ANK1: variants seen among roughly 807,000 people sequenced by gnomAD.
The protein encoded by ANK1 is ankyrin 1, also known as ankyrin-1.
ANK1 carries 51 observed loss-of-function variants against 210.4 expected under a neutral mutation model. The observed-to-expected ratio is 0.24, with a 90% CI of 0.19 to 0.31. ANK1 has a LOEUF of 0.31. ANK1 is among the 10% of genes least tolerant of loss of function. The pLI, the probability that ANK1 is intolerant of heterozygous loss-of-function variation, is 1.00. For synonymous variants in ANK1, 967 were observed against 1,025.9 expected, an observed-to-expected ratio of 0.94 and a Z score of 1.10; for missense variants, 2,051 against 2,504.4, an observed-to-expected ratio of 0.82 and a Z score of 3.86.
intron 1 of ANK1, among the ~76,000 whole-genome samples, chr8:41,891,945 G>A (rs929586468): frequency 9.2e-5 from 14 of 152,168 alleles, no homozygotes; most frequent in Non-Finnish European, 2.1e-4. Flanking sequence ...ATCCATTAAT[G>A]CCACAACATA....
Position 41,818,314 on chromosome 8 carries a change from G to T in ANK1, c.127-60177C>A, listed in dbSNP as rs528776237. 1.1e-4 allele frequency among the ~76,000 whole-genome samples: 17 copies of T among 152,334 alleles called. No homozygotes were observed. In the South Asian group the frequency reaches 3.5e-3, roughly 32 times the overall value. On this transcript the variant is annotated intron_variant, in intron 1 of 42. Transcript: ENST00000265709. The stretch of plus-strand genomic sequence containing the variant: ...GAGTTCTTCCAGAGGGTCAGGACCA[G>T]GGAGTTGTGGATATAAGAGAGCACA...
At chr8:41,748,120 G>A (rs892447620) in intron 2 of ANK1, among the ~76,000 whole-genome samples, 1 of 152,140 alleles carries the variant, frequency 6.6e-6, no homozygotes, top group Non-Finnish European at 1.5e-5. Flanking sequence ...CAGGTACCAG[G>A]TGCCAGGCAT....
chr8:41,694,018 G>A lies in ANK1; in HGVS notation c.3412C>T (p.Arg1138Cys), dbSNP rs1820103190. The A allele has an allele frequency of 6.2e-7, 1 of 1,614,052 alleles. No individual in the cohort carries two copies. The highest frequency in any genetic ancestry group is 8.5e-7 in the Non-Finnish European group (1 of 1,179,956). The stretch of plus-strand genomic sequence containing the variant: ...CCAATGGGGCGGTGGAACTTCCGGC[G>A]CCGGGGCTCCACGGTGACAATGGGG... The part of the protein sequence containing the change: ...FSPIVTVEPR[R>C]RKFHRPIGLR... Residue 1138 changes from arginine to cysteine, a missense_variant, in exon 29 of 43, where the codon CGC becomes TGC. This residue lies in a region of ANK1 where 1,413 missense variants were observed against 1,707.4 expected (regional missense o/e 0.83). Coordinates refer to ENST00000289734, the MANE Select transcript of ANK1 (RefSeq NM_000037.4). This position sits in a 1 kb window ranked among gnomAD's most constrained non-coding sequence, Gnocchi z 5.7.
chr8:41,730,552 TCTC>T (rs1831936423), intron 3 of ANK1, among the ~76,000 whole-genome samples: 1 of 152,154 alleles, frequency 6.6e-6, no homozygotes, highest in Non-Finnish European at 1.5e-5. Context: ...CTTTTTGATT[TCTC>T]CTCAAGTTCT....
rs75552769 is a variant in ANK1 at position 41,793,169 on chromosome 8, G to C, written c.27+4343C>G. Among the ~76,000 whole-genome samples, 1,146 of 152,310 alleles carry C rather than the reference G, an allele frequency of 7.5e-3. 21 individuals are homozygous for C. The highest frequency in any genetic ancestry group is 0.026 in the African/African-American group (1,098 of 41,550). ...AGGAGGGAAGCTCACTGGAGGCCAG[G>C]AGTTCAAGACTAGCCTGGGCAACAT... On this transcript the variant is annotated intron_variant, in intron 1 of 42. Coordinates refer to ENST00000289734, the MANE Select transcript of ANK1 (RefSeq NM_000037.4).
chr8:41,792,158 C>A (rs1394871936), intron 1 of ANK1, among the ~76,000 whole-genome samples: 1 of 152,112 alleles, frequency 6.6e-6, no homozygotes, highest in African/African-American at 2.4e-5. Context: ...GAGCAGCAGC[C>A]GAGGGGAGGG....
At chr8:41,772,975 G>A (rs1668189042) in intron 1 of ANK1, among the ~76,000 whole-genome samples, 1 of 152,118 alleles carries the variant, frequency 6.6e-6, no homozygotes, top group Non-Finnish European at 1.5e-5. Flanking sequence ...CGCTGTTGGG[G>A]AAATGTTATT....
chr8:41,838,122 A>T (rs964782954), intron 1 of ANK1, among the ~76,000 whole-genome samples: 4 of 152,210 alleles, frequency 2.6e-5, no homozygotes, highest in Non-Finnish European at 5.9e-5. Flanking sequence ...CTGTTTATTG[A>T]GCATTTTACA....
intron 40 of ANK1, among the ~76,000 whole-genome samples, chr8:41,662,873 C>T (rs995032001): frequency 6.6e-6 from 1 of 152,032 alleles, no homozygotes; most frequent in Non-Finnish European, 1.5e-5. Context: ...GGTCATGTCT[C>T]TGAGTTAATA....
chr8:41,868,564 G>A (rs1814909830), intron 1 of ANK1, among the ~76,000 whole-genome samples: 1 of 152,180 alleles, frequency 6.6e-6, no homozygotes, highest in African/African-American at 2.4e-5. Flanking sequence ...TTCTCATTTT[G>A]TAAATGATTT....
chr8:41,724,539 G>A lies in ANK1; in HGVS notation c.628C>T (p.Leu210=). 1.3e-6 allele frequency: 2 copies of A among 1,596,886 alleles called. No homozygotes were observed. Among genetic ancestry groups the A allele is most frequent in the Non-Finnish European group, 1.7e-6 (2 of 1,171,506 alleles). The change falls in exon 7 of 43, where the codon CTG becomes TTG. Residue 210 remains leucine (L), a synonymous_variant. Transcript: ENST00000289734. ...DVLSKTGFTP[L]HIAAHYENLN... is the part of the protein sequence containing the mutation. The stretch of plus-strand genomic sequence containing the variant: ...TTCTCGTAGTGAGCCGCAATGTGCA[G>A]GGGCGTGAATCCCGTCTGGGGCACA...
At chr8:41,812,687 G>C (rs114237668) in intron 1 of ANK1, among the ~76,000 whole-genome samples, 3 of 152,174 alleles carry the variant, frequency 2.0e-5, no homozygotes, top group African/African-American at 7.2e-5. Flanking sequence ...TGGCACCAGG[G>C]ACCAGTTTTG....
At chr8:41,750,028 C>T (rs530605837) in intron 2 of ANK1, among the ~76,000 whole-genome samples, 1 of 152,266 alleles carries the variant, frequency 6.6e-6, no homozygotes, top group South Asian at 2.1e-4. Flanking sequence ...AATTGAATGC[C>T]GTGAGCTCCA....
At chr8:41,718,535 A>G (rs962768709) in intron 10 of ANK1, among the ~76,000 whole-genome samples, 3 of 152,216 alleles carry the variant, frequency 2.0e-5, no homozygotes, top group Non-Finnish European at 2.9e-5. Context: ...ACAATAAAAG[A>G]GTACTTTTGT....
At chr8:41,728,127 G>T (rs1053536530) in intron 3 of ANK1, 121 bp from the exon 4 acceptor site, 1 of 821,220 alleles carries the variant, frequency 1.2e-6, no homozygotes, top group South Asian at 1.5e-5. Flanking sequence ...GGCCAAAAGG[G>T]GTAGAAAGGA....
intron 1 of ANK1, among the ~76,000 whole-genome samples, chr8:41,871,650 G>A (rs1815526771): frequency 1.3e-5 from 2 of 152,234 alleles, no homozygotes; most frequent in African/African-American, 2.4e-5. Context: ...TCCACCAAAG[G>A]AGCCGACCCT....
intron 1 of ANK1, among the ~76,000 whole-genome samples, chr8:41,850,763 T>C (rs1476711386): frequency 2.0e-5 from 3 of 152,260 alleles, no homozygotes; most frequent in Non-Finnish European, 2.9e-5. Flanking sequence ...ATTACAAGCA[T>C]GAGCTACCAT....
intron 1 of ANK1, among the ~76,000 whole-genome samples, chr8:41,889,128 C>G (rs1457163107): frequency 6.6e-6 from 1 of 152,228 alleles, no homozygotes; most frequent in Non-Finnish European, 1.5e-5. Flanking sequence ...GCATGAGTCA[C>G]TGTGCCCAGA....
chr8:41,664,284 C>G, intron 39 of ANK1: 1 of 402,954 alleles, frequency 2.5e-6, no homozygotes, highest in Non-Finnish European at 4.9e-6. Flanking sequence ...CCAATTTGGG[C>G]AACATAGCGA....
Sources: gnomAD v4.1 joint callset for allele counts (sites outside exome capture counted in the v4.1 genomes callset) on GRCh38, gnomAD v4.1.1 for gene constraint, gnomAD v4.1.1 regional missense constraint, Gnocchi (gnomAD v3.1) non-coding constraint, MANE v1.5 for transcripts, NCBI Gene and HGNC (gene_info 2026-07-23, HGNC 2026-07-21) for gene names.